POLR1D: variants seen among roughly 807,000 people sequenced by gnomAD.
The protein encoded by POLR1D is RNA polymerase I and III subunit D.
In POLR1D, 8 loss-of-function variants were observed where a neutral mutation model predicts 10.8. The observed-to-expected ratio is 0.74, with a 90% CI of 0.43 to 1.33. POLR1D has a LOEUF of 1.33. POLR1D is among the 40% of genes most tolerant of loss of function. POLR1D has a pLI of 0.01. For missense variants in POLR1D, 152 were observed against 161.7 expected, an observed-to-expected ratio of 0.94 and a Z score of 0.32; for synonymous variants, 54 against 57.2, an observed-to-expected ratio of 0.94 and a Z score of 0.25.
chr13:27,653,864 T>C (rs1956287402), intron 2 of POLR1D, among the ~76,000 whole-genome samples: 1 of 152,212 alleles, frequency 6.6e-6, no homozygotes, highest in Non-Finnish European at 1.5e-5. Flanking sequence ...CTGAATTCGA[T>C]CTATTGTAAT....
chr13:27,647,746 GT>G, intron 1 of POLR1D, among the ~76,000 whole-genome samples: 1 of 151,982 alleles, frequency 6.6e-6, no homozygotes, highest in Admixed American at 6.6e-5. Context: ...TAAGTTTTCT[GT>G]TTTTTCTTTA....
intron 2 of POLR1D, among the ~76,000 whole-genome samples, chr13:27,653,942 T>C (rs1329409965): frequency 6.6e-6 from 1 of 152,102 alleles, no homozygotes; most frequent in African/African-American, 2.4e-5. Context: ...CAAAAGGAAA[T>C]ACATATCAGA....
At chr13:27,662,415 A>G (rs1956373422) in intron 2 of POLR1D, among the ~76,000 whole-genome samples, 1 of 151,994 alleles carries the variant, frequency 6.6e-6, no homozygotes, top group Admixed American at 6.5e-5. Context: ...TTCTTCAGCA[A>G]AACATGAATG....
chr13:27,623,247 C>T lies in POLR1D; in HGVS notation c.399C>T (p.Phe133=), dbSNP rs778936453. 55 of 1,613,588 alleles carry T rather than the reference C, an allele frequency of 3.4e-5. No homozygotes were observed. Among genetic ancestry groups the T allele is most frequent in the Non-Finnish European group, 4.6e-5 (54 of 1,179,974 alleles). Residue 133 remains phenylalanine, a synonymous_variant, in exon 2 of 2, where the codon TTC becomes TTT. Transcript: ENST00000302979. ...DQKASRNEST[F] is the part of the protein sequence containing the mutation. The stretch of plus-strand genomic sequence containing the variant: ...AAGCAAGCAGAAATGAATCCACATT[C>T]TAGTCCTTTATGCAGTATACAAGGA...
intron 1 of POLR1D, among the ~76,000 whole-genome samples, chr13:27,640,561 T>C (rs538640332): frequency 1.3e-5 from 2 of 152,326 alleles, no homozygotes; most frequent in South Asian, 2.1e-4. Context: ...TTTCAGTTCA[T>C]GACTCTGAAG....
At chr13:27,652,742 C>T (rs567347920) in intron 2 of POLR1D, among the ~76,000 whole-genome samples, 3 of 151,902 alleles carry the variant, frequency 2.0e-5, no homozygotes, top group East Asian at 2.0e-4. Flanking sequence ...TGCTGGCACA[C>T]GTCTGTAATC....
intron 2 of POLR1D, chr13:27,661,037 C>G (rs1247948943): frequency 1.3e-5 from 2 of 152,200 alleles, no homozygotes; most frequent in African/African-American, 2.4e-5. Context: ...AAGTTAGATA[C>G]TACTACCTCT....
chr13:27,642,967 A>G (rs1401274259), intron 1 of POLR1D, among the ~76,000 whole-genome samples: 1 of 152,170 alleles, frequency 6.6e-6, no homozygotes, highest in Non-Finnish European at 1.5e-5. Context: ...ATGTTCCTCC[A>G]TCACCTTCCA....
chr13:27,655,932 G>A (rs1956304849), intron 2 of POLR1D, among the ~76,000 whole-genome samples: 1 of 152,060 alleles, frequency 6.6e-6, no homozygotes, highest in African/African-American at 2.4e-5. Context: ...TGTGGAAAAA[G>A]GTCATTGTTC....
intron 1 of POLR1D, among the ~76,000 whole-genome samples, chr13:27,645,167 T>C (rs914258513): frequency 2.0e-5 from 3 of 152,228 alleles, no homozygotes; most frequent in African/African-American, 7.2e-5. Context: ...AAAATAGTGA[T>C]CAGTCCTCCT....
At chr13:27,641,999 C>A (rs926466006) in intron 1 of POLR1D, among the ~76,000 whole-genome samples, 2 of 152,110 alleles carry the variant, frequency 1.3e-5, no homozygotes, top group South Asian at 4.1e-4. Flanking sequence ...GGCCAGTGGC[C>A]CCACTGTGAC....
chr13:27,653,805 C>T (rs922179151), intron 2 of POLR1D, among the ~76,000 whole-genome samples: 1 of 151,892 alleles, frequency 6.6e-6, no homozygotes, highest in Admixed American at 6.6e-5. Flanking sequence ...TTTTGGAAAC[C>T]TCTTTGATGT....
chr13:27,666,999 GCTCC>G (rs141652077), exon 3 of POLR1D: 12,443 of 152,196 alleles, frequency 0.082, 647 homozygotes, highest in Non-Finnish European at 0.11. Flanking sequence ...CCACATCCCT[GCTCC>G]CTACTTCCTG....
intron 2 of POLR1D, chr13:27,650,061 A>G: frequency 2.5e-6 from 1 of 398,496 alleles, no homozygotes; most frequent in Non-Finnish European, 4.4e-6. Flanking sequence ...GGGACAAGAT[A>G]CAAACTAAAA....
intron 1 of POLR1D, among the ~76,000 whole-genome samples, chr13:27,622,658 AGT>A (rs1463132652): frequency 6.6e-6 from 1 of 152,178 alleles, no homozygotes; most frequent in Non-Finnish European, 1.5e-5. Flanking sequence ...CCTTGTGGCC[AGT>A]GTGGATGGTC....
intron 1 of POLR1D, among the ~76,000 whole-genome samples, chr13:27,632,238 G>A (rs1048983638): frequency 2.0e-5 from 3 of 152,298 alleles, no homozygotes; most frequent in Non-Finnish European, 4.4e-5. Flanking sequence ...AGAGTGATAT[G>A]AATTTTCCTT....
intron 1 of POLR1D, among the ~76,000 whole-genome samples, chr13:27,636,591 T>G (rs1452321804): frequency 6.6e-6 from 1 of 152,190 alleles, no homozygotes; most frequent in Non-Finnish European, 1.5e-5. Flanking sequence ...AATTGTAAAT[T>G]TAGGGGTCTA....
intron 1 of POLR1D, 102 bp downstream of exon 1, chr13:27,622,111 C>A: frequency 1.0e-6 from 1 of 977,212 alleles, no homozygotes; most frequent in Non-Finnish European, 1.6e-6. Context: ...TGACTCGGGG[C>A]GCAGAGAAGA....
At chr13:27,625,594 G>A (rs1308227482), downstream of POLR1D, among the ~76,000 whole-genome samples, 2 of 151,894 alleles carry the variant, frequency 1.3e-5, no homozygotes, top group African/African-American at 4.8e-5. Context: ...GTTGGAGATC[G>A]TGGAAGAGAT....
Sources: allele counts gnomAD v4.1 joint callset (sites outside exome capture counted in the v4.1 genomes callset), GRCh38; gene constraint gnomAD v4.1.1; transcripts MANE v1.5; gene names NCBI Gene and HGNC (gene_info 2026-07-23, HGNC 2026-07-21).